ITGA9: variants seen among roughly 807,000 people sequenced by gnomAD.
ITGA9 encodes the protein integrin alpha-9.
In ITGA9, 56 loss-of-function variants were observed where a neutral mutation model predicts 127.8. The ratio of observed to expected loss-of-function variants is 0.44; its 90% CI spans 0.35 to 0.55. The LOEUF (loss-of-function observed/expected upper bound fraction) is 0.55, where lower values mean the gene tolerates loss of function less well. Ranked by LOEUF, ITGA9 falls within the 20% of genes least tolerant of loss-of-function variation. ITGA9 has a pLI of 0.00. For synonymous variants in ITGA9, 508 were observed against 514.5 expected, an observed-to-expected ratio of 0.99 and a Z score of 0.17; for missense variants, 1,196 against 1,347.1, an observed-to-expected ratio of 0.89 and a Z score of 1.76.
chr3:37,789,459 A>G (rs1697078803), intron 26 of ITGA9, among the ~76,000 whole-genome samples: 1 of 152,140 alleles, frequency 6.6e-6, no homozygotes, highest in South Asian at 2.1e-4. Context: ...AGCTCAATAT[A>G]TATTAAGAGT....
At chr3:37,635,736 A>C (rs915726366) in intron 16 of ITGA9, among the ~76,000 whole-genome samples, 2 of 150,298 alleles carry the variant, frequency 1.3e-5, no homozygotes, top group African/African-American at 2.4e-5. Context: ...CCCATTAACT[A>C]GTCATTTAGC....
rs372179241 is a variant in ITGA9 at position 37,736,994 on chromosome 3, G to A, written c.2234+11G>A. On this transcript the variant is annotated intron_variant, in intron 20 of 27. Coordinates refer to ENST00000264741, the MANE Select transcript of ITGA9 (RefSeq NM_002207.3). ...TGTTACTGCTCAGAGGTAAGGGGGGGGTTTAAACACTTTTTTCAAAGATGA... is the reference window on the plus strand; with the variant it reads ...TGTTACTGCTCAGAGGTAAGGGGGGAGTTTAAACACTTTTTTCAAAGATGA... 2 of 1,566,786 alleles carry A rather than the reference G, an allele frequency of 1.3e-6. No homozygotes were observed. The highest frequency in any genetic ancestry group is 1.4e-5 in the African/African-American group (1 of 73,276).
chr3:37,633,701 A>C (rs1419740568), intron 16 of ITGA9, among the ~76,000 whole-genome samples: 3 of 152,166 alleles, frequency 2.0e-5, no homozygotes, highest in Admixed American at 6.6e-5. Context: ...AGCTGGTAGA[A>C]GCCACTGCGG....
rs765615015 is a variant in ITGA9 at position 37,777,398 on chromosome 3, C to T, written c.2548C>T (p.Gln850Ter). ...MFHVQEMVVG[Q>*]EKGNCSFQKN... is the part of the protein sequence containing the mutation. Reference sequence around the variant, plus strand: ...GGCCTCTTTTCATTTGCAGGTGGGCCAAGAGAAGGGAAACTGCTCTTTCCA... The same window carrying T: ...GGCCTCTTTTCATTTGCAGGTGGGCTAAGAGAAGGGAAACTGCTCTTTCCA... The change falls in exon 24 of 28, where the codon CAA (glutamine) becomes TAA (stop). Residue 850 changes from glutamine (Q) to a stop codon, truncating the protein, a stop_gained. Transcript: ENST00000264741. LOFTEE classifies it high-confidence loss of function. 1.2e-6 allele frequency: 2 copies of T among 1,614,038 alleles called. No individual in the cohort carries two copies. The highest frequency in any genetic ancestry group is 2.2e-5 in the East Asian group (1 of 44,862).
At chr3:37,531,493 C>T (rs1004075849) in intron 13 of ITGA9, among the ~76,000 whole-genome samples, 2 of 152,174 alleles carry the variant, frequency 1.3e-5, no homozygotes, top group African/African-American at 4.8e-5. Context: ...TCTGGGCTGC[C>T]CACGTCTGTT....
intron 15 of ITGA9, among the ~76,000 whole-genome samples, chr3:37,573,908 A>G (rs1479735396): frequency 6.6e-6 from 1 of 152,174 alleles, no homozygotes; most frequent in Non-Finnish European, 1.5e-5. Flanking sequence ...AGGCAGAATG[A>G]GCAGGGCACC....
intron 7 of ITGA9, among the ~76,000 whole-genome samples, chr3:37,508,035 C>T (rs1273536769): frequency 1.3e-5 from 2 of 152,206 alleles, no homozygotes; most frequent in Admixed American, 1.3e-4. Flanking sequence ...TCCACATTTC[C>T]CAAATGAAAC....
intron 18 of ITGA9, among the ~76,000 whole-genome samples, chr3:37,702,725 C>T (rs993201329): frequency 6.6e-5 from 10 of 152,096 alleles, no homozygotes; most frequent in Non-Finnish European, 1.5e-4. Flanking sequence ...GAGCTGCTAA[C>T]CCTCATCTTA....
At chr3:37,741,874 C>A in intron 21 of ITGA9, 55 bp downstream of exon 21, 2 of 1,358,716 alleles carry the variant, frequency 1.5e-6, no homozygotes, top group Non-Finnish European at 2.1e-6. Context: ...CAGTGGAACA[C>A]TGTGCTTCTC....
intron 3 of ITGA9, among the ~76,000 whole-genome samples, chr3:37,474,074 A>C (rs1307033411): frequency 6.6e-6 from 1 of 152,246 alleles, no homozygotes; most frequent in Non-Finnish European, 1.5e-5. Flanking sequence ...TTATCTCTAC[A>C]TAATATTACA....
chr3:37,655,203 T>C (rs1700465736), intron 17 of ITGA9, among the ~76,000 whole-genome samples: 1 of 152,208 alleles, frequency 6.6e-6, no homozygotes, highest in Non-Finnish European at 1.5e-5. Context: ...TTTGGGTATG[T>C]ATACCCAGTA....
chr3:37,764,357 AG>A (rs1696754219), intron 23 of ITGA9, among the ~76,000 whole-genome samples: 1 of 151,364 alleles, frequency 6.6e-6, no homozygotes, highest in Non-Finnish European at 1.5e-5. Flanking sequence ...TCAGGAAGTA[AG>A]GACCTGGTTT....
chr3:37,788,315 C>G (rs1454734062), intron 26 of ITGA9, among the ~76,000 whole-genome samples: 1 of 152,170 alleles, frequency 6.6e-6, no homozygotes, highest in East Asian at 1.9e-4. Context: ...ACAGAAAAAA[C>G]ACACTACTAG....
intron 1 of ITGA9, among the ~76,000 whole-genome samples, chr3:37,460,340 TAGAA>T (rs1333989543): frequency 2.0e-5 from 3 of 152,152 alleles, no homozygotes; most frequent in Admixed American, 6.5e-5. Flanking sequence ...TACAAAAAAT[TAGAA>T]AGAATGAGTA....
At chr3:37,608,716 C>T (rs908495600) in intron 15 of ITGA9, among the ~76,000 whole-genome samples, 3 of 152,142 alleles carry the variant, frequency 2.0e-5, no homozygotes, top group Non-Finnish European at 4.4e-5. Context: ...GACATAAATA[C>T]TGTTTTATAT....
At chr3:37,608,440 A>G (rs1699988565) in intron 15 of ITGA9, among the ~76,000 whole-genome samples, 1 of 151,550 alleles carries the variant, frequency 6.6e-6, no homozygotes, top group African/African-American at 2.4e-5. Context: ...TAAGATTTAC[A>G]AAACAAACAA....
At chr3:37,585,757 A>G (rs980072104) in intron 15 of ITGA9, 4 of 388,692 alleles carry the variant, frequency 1.0e-5, no homozygotes, top group African/African-American at 2.1e-5. Flanking sequence ...CTGACTCCAT[A>G]GAGCAGTGTA....
rs536666767 is a variant in ITGA9, at chr3:37,493,586, G to GTCTACAGAAGTGAAGGAATGGGTT, written c.545-910_545-887dup. ...CACTCACTTTGCAGAACCTTTGATG[G>GTCTACAGAAGTGAAGGAATGGGTT]TCTACAGAAGTGAAGGAATGGGTTT... On this transcript the variant is annotated intron_variant, in intron 4 of 27. Coordinates refer to ENST00000264741, the MANE Select transcript of ITGA9 (RefSeq NM_002207.3). Among the ~76,000 whole-genome samples, 609 of 152,242 alleles carry GTCTACAGAAGTGAAGGAATGGGTT rather than the reference G, an allele frequency of 4.0e-3. 5 individuals carry two copies. Among genetic ancestry groups the GTCTACAGAAGTGAAGGAATGGGTT allele is most frequent in the African/African-American group, 0.014 (573 of 41,496 alleles).
chr3:37,617,851 G>T (rs1318011205), intron 15 of ITGA9, among the ~76,000 whole-genome samples: 1 of 151,762 alleles, frequency 6.6e-6, no homozygotes, highest in East Asian at 1.9e-4. Flanking sequence ...GGTTATTCTA[G>T]TTAGCCATTC....
Sources: gnomAD v4.1 joint callset for allele counts (sites outside exome capture counted in the v4.1 genomes callset) on GRCh38, gnomAD v4.1.1 for gene constraint, MANE v1.5 for transcripts, NCBI Gene and HGNC (gene_info 2026-07-23, HGNC 2026-07-21) for gene names.